The following PKP2 variants were observed in gnomAD, a reference collection of about 807,000 sequenced individuals.
The protein encoded by PKP2 is plakophilin-2.
Under a neutral mutation model 83.4 loss-of-function variants are expected in PKP2, and 73 were observed. That is an observed-to-expected ratio of 0.88 (90% confidence interval 0.72 to 1.06). PKP2 has a LOEUF of 1.06. Ranked by LOEUF, PKP2 falls within the 50% of genes least tolerant of loss-of-function variation. The pLI is 0.00. For missense variants in PKP2, 966 were observed against 1,065.4 expected (o/e 0.91, Z 1.30); for synonymous variants, 409 against 430.4 (o/e 0.95, Z 0.62).
intron 5 of PKP2, chr12:32,843,460 C>A: frequency 1.8e-6 from 1 of 563,364 alleles, no homozygotes; most frequent in South Asian, 1.4e-5. Context: ...AATTACTCAG[C>A]ATACTTATAT....
At chr12:32,849,069 G>A (rs2137856866) in intron 5 of PKP2, among the ~76,000 whole-genome samples, 1 of 149,900 alleles carries the variant, frequency 6.7e-6, no homozygotes, top group African/African-American at 2.5e-5. Flanking sequence ...TTCCTCATCT[G>A]TAAAATTGAG....
rs1412822276 is a variant in PKP2, at chr12:32,878,006, G to T, written c.874C>A (p.Gln292Lys). 3 of 1,613,888 alleles carry T rather than the reference G, an allele frequency of 1.9e-6. No homozygotes were observed. The African/African-American group carries it at 4.0e-5, about 22-fold the overall frequency. ...GTGCGGGTGCTGTGGAAGGAGCTCT[G>T]ATGCCAGGAGGACCTGGAAGCCCTG... The part of the protein sequence containing the change: ...QNRASRSSWH[Q>K]SSFHSTRTLR... Residue 292 changes from glutamine (Q) to lysine (K), a missense_variant, in exon 3 of 13, where the codon CAG becomes AAG. By Grantham distance (53) the Gln-to-Lys change is moderately conservative (BLOSUM62 1). Transcript: ENST00000340811.
At chr12:32,850,707 G>T in intron 5 of PKP2, 59 bp downstream of exon 5, 1 of 1,279,536 alleles carries the variant, frequency 7.8e-7, no homozygotes, top group Non-Finnish European at 1.1e-6. Flanking sequence ...AAGAGATGAT[G>T]TAAGGCATCT....
intron 3 of PKP2, among the ~76,000 whole-genome samples, chr12:32,871,421 G>A (rs889771593): frequency 2.0e-5 from 3 of 151,686 alleles, no homozygotes; most frequent in Non-Finnish European, 4.4e-5. Context: ...TCAGCCTTCT[G>A]AATAGCTGGG....
intron 5 of PKP2, among the ~76,000 whole-genome samples, chr12:32,848,909 T>C (rs1956671753): frequency 6.6e-6 from 1 of 151,320 alleles, no homozygotes; most frequent in African/African-American, 2.4e-5. Flanking sequence ...ATGAAGCAGG[T>C]AGAAGAGCAA....
In PKP2 at chr12:32,791,929, T is replaced by C. The variant is rs1257726860; in HGVS notation, c.*495A>G. On this transcript the variant is annotated 3_prime_UTR_variant, in exon 13 of 13. Transcript: ENST00000340811. The stretch of plus-strand genomic sequence containing the variant: ...AAAGAAACCAATAATTTTGCCATTA[T>C]ACTTTCTCCTGGATAACTGCAGATA... 1 of 170,686 alleles carries C rather than the reference T, an allele frequency of 5.9e-6. No homozygotes were observed. The highest frequency in any genetic ancestry group is 1.3e-5 in the Non-Finnish European group (1 of 78,726). The allele number at this position is 170,686 out of a possible 1,614,324, so 10.6% of individuals were successfully genotyped here.
intron 3 of PKP2, among the ~76,000 whole-genome samples, chr12:32,877,509 C>T (rs1029387837): frequency 1.3e-5 from 2 of 152,126 alleles, no homozygotes; most frequent in Non-Finnish European, 1.5e-5. Context: ...AGAAAATACG[C>T]ATGCAATTCT....
chr12:32,831,698 C>T (rs1326612185), intron 6 of PKP2, among the ~76,000 whole-genome samples: 1 of 152,156 alleles, frequency 6.6e-6, no homozygotes, highest in Non-Finnish European at 1.5e-5. Flanking sequence ...TAAAGAGTCT[C>T]TTTAGCAAAG....
At chr12:32,879,266 C>T (rs567606359) in intron 1 of PKP2, among the ~76,000 whole-genome samples, 4 of 152,346 alleles carry the variant, frequency 2.6e-5, no homozygotes, top group South Asian at 2.1e-4. Context: ...GGTGTGGTGG[C>T]GCACGCCTCT....
intron 4 of PKP2, among the ~76,000 whole-genome samples, chr12:32,861,161 C>T (rs997813851): frequency 1.3e-5 from 2 of 152,096 alleles, no homozygotes; most frequent in African/African-American, 4.8e-5. Flanking sequence ...ATAAAATTCA[C>T]AATGCCTAGG....
chr12:32,794,670 T>C (rs1956104926), intron 11 of PKP2, among the ~76,000 whole-genome samples: 1 of 152,196 alleles, frequency 6.6e-6, no homozygotes, highest in Admixed American at 6.5e-5. Flanking sequence ...TGCTTGGAAG[T>C]TTGGATGACT....
At chr12:32,896,020 T>G (rs754487145) in intron 1 of PKP2, among the ~76,000 whole-genome samples, 1 of 152,196 alleles carries the variant, frequency 6.6e-6, no homozygotes, top group Non-Finnish European at 1.5e-5. Flanking sequence ...TCCCAATTTA[T>G]AGGTTGTAGG....
intron 6 of PKP2, among the ~76,000 whole-genome samples, chr12:32,830,723 T>G (rs541391170): frequency 6.6e-6 from 1 of 152,158 alleles, no homozygotes; most frequent in Non-Finnish European, 1.5e-5. Context: ...CTGGCCAACA[T>G]GGTGAAACCC....
rs770027185 is a variant in PKP2, at chr12:32,792,635, T to C, written c.2445+9A>G. The C allele has an allele frequency of 8.7e-6, 14 of 1,610,498 alleles. No homozygotes were observed. In the Admixed American group the frequency reaches 1.3e-4, roughly 15 times the overall value. ...TTAACTATGACACATTCCTTGTTCATGTTCTTACCTTCTTGTAGGCATGAT... is the reference window on the plus strand; with the variant it reads ...TTAACTATGACACATTCCTTGTTCACGTTCTTACCTTCTTGTAGGCATGAT... On this transcript the variant is annotated intron_variant, in intron 12 of 12. Transcript: ENST00000340811.
intron 3 of PKP2, among the ~76,000 whole-genome samples, chr12:32,876,244 AG>A (rs1032854368): frequency 6.6e-6 from 1 of 152,170 alleles, no homozygotes; most frequent in Non-Finnish European, 1.5e-5. Flanking sequence ...TACATTTGTC[AG>A]GAGACTGTTT....
rs148630781 is a variant in PKP2 at position 32,835,096 on chromosome 12, C to T, written c.1556+5932G>A. On this transcript the variant is annotated intron_variant, in intron 6 of 12. Transcript: ENST00000340811. The stretch of plus-strand genomic sequence containing the variant: ...TGAAGTAGAGTCTTGCTCTGTTGCC[C>T]GGACTGGAGTGCAGTGGCGCGACTT... 4.1e-3 allele frequency among the ~76,000 whole-genome samples: 617 copies of T among 150,406 alleles called. 8 individuals are homozygous for T. Among genetic ancestry groups the T allele is most frequent in the African/African-American group, 0.014 (565 of 40,838 alleles).
At chr12:32,819,308 C>CAATAAAATAAAATAAAATAA (rs1271671020) in intron 9 of PKP2, among the ~76,000 whole-genome samples, 7 of 69,456 alleles carry the variant, frequency 1.0e-4, no homozygotes, top group Non-Finnish European at 2.1e-4. Context: ...CAATACAATA[C>CAATAAAATAAAATAAAATAA]AATACAATAA....
intron 4 of PKP2, among the ~76,000 whole-genome samples, chr12:32,861,813 T>C (rs1001335129): frequency 2.0e-5 from 3 of 152,176 alleles, no homozygotes; most frequent in African/African-American, 2.4e-5. Flanking sequence ...GACTCATGTA[T>C]GGAGGAAGAA....
At chr12:32,803,283 G>C (rs1371249429) in intron 9 of PKP2, among the ~76,000 whole-genome samples, 1 of 152,178 alleles carries the variant, frequency 6.6e-6, no homozygotes, top group Non-Finnish European at 1.5e-5. Flanking sequence ...TGGGGCAGGA[G>C]AATCGCTTGA....
Sources: allele counts gnomAD v4.1 joint callset (sites outside exome capture counted in the v4.1 genomes callset), GRCh38; gene constraint gnomAD v4.1.1; transcripts MANE v1.5; gene names NCBI Gene and HGNC (gene_info 2026-07-23, HGNC 2026-07-21).